Variants in LHFPL3 observed in about 807,000 individuals in gnomAD.
LHFPL3 encodes the protein LHFPL tetraspan subfamily member 3 protein.
A neutral mutation model predicts 19.3 loss-of-function variants in LHFPL3; 5 were observed. The ratio of observed to expected loss-of-function variants is 0.26; its 90% CI spans 0.14 to 0.54. The LOEUF (loss-of-function observed/expected upper bound fraction) is 0.54, where lower values mean the gene tolerates loss of function less well. Among genes scored for constraint, LHFPL3 ranks in the 20% least tolerant of loss-of-function variants. The pLI is 0.94. For synonymous variants in LHFPL3, 133 were observed against 126.2 expected (o/e 1.05, Z -0.36); for missense variants, 249 against 307.4 (o/e 0.81, Z 1.42).
chr7:104,579,030 C>G (rs981843525), intron 1 of LHFPL3, among the ~76,000 whole-genome samples: 1 of 152,166 alleles, frequency 6.6e-6, no homozygotes, highest in African/African-American at 2.4e-5. Context: ...CCTAATGGAT[C>G]TTAGCTTATG....
At chr7:104,733,624 A>G (rs1793745889) in intron 1 of LHFPL3, among the ~76,000 whole-genome samples, 1 of 152,070 alleles carries the variant, frequency 6.6e-6, no homozygotes, top group South Asian at 2.1e-4. Flanking sequence ...GTCTCTGCAC[A>G]TGAGATGGGT....
intron 1 of LHFPL3, among the ~76,000 whole-genome samples, chr7:104,506,821 A>G (rs991416327): frequency 1.3e-5 from 2 of 152,208 alleles, no homozygotes; most frequent in Non-Finnish European, 2.9e-5. Flanking sequence ...AGAAAAGGGT[A>G]TGGGAGTAAC....
chr7:104,819,955 C>T lies in LHFPL3; in HGVS notation c.682+83044C>T, dbSNP rs565107843. On this transcript the variant is annotated intron_variant, in intron 2 of 2. Transcript: ENST00000424859. Reference sequence around the variant, plus strand: ...AATACGATCAAAGCAATATACAAAACGAGCCGATTGTGATCTCTTTTTTAA... The same window carrying T: ...AATACGATCAAAGCAATATACAAAATGAGCCGATTGTGATCTCTTTTTTAA... Among the ~76,000 whole-genome samples the T allele has an allele frequency of 1.6e-4, 25 of 152,262 alleles. 1 individual carries two copies. The highest frequency in any genetic ancestry group is 7.2e-4 in the Admixed American group (11 of 15,292).
chr7:104,540,291 G>A (rs1026090597), intron 1 of LHFPL3, among the ~76,000 whole-genome samples: 12 of 152,246 alleles, frequency 7.9e-5, no homozygotes, highest in Non-Finnish European at 1.3e-4. Flanking sequence ...TGAAAGTATG[G>A]TTGGTAGGGG....
chr7:104,820,298 C>T (rs1790652354), intron 2 of LHFPL3, among the ~76,000 whole-genome samples: 1 of 152,132 alleles, frequency 6.6e-6, no homozygotes, highest in African/African-American at 2.4e-5. Context: ...TACCATGGCT[C>T]CAGATTAAAG....
At chr7:104,668,800 G>A in intron 1 of LHFPL3, 1 of 1,609,408 alleles carries the variant, frequency 6.2e-7, no homozygotes, top group Non-Finnish European at 8.5e-7. Flanking sequence ...GTAACTCCCA[G>A]TCCACTCGAG....
intron 1 of LHFPL3, among the ~76,000 whole-genome samples, chr7:104,357,498 G>A (rs1790303614): frequency 6.6e-6 from 1 of 152,162 alleles, no homozygotes; most frequent in East Asian, 1.9e-4. Flanking sequence ...CTTTCGGGTA[G>A]CCAACTTCAG....
intron 2 of LHFPL3, among the ~76,000 whole-genome samples, chr7:104,772,572 C>T (rs1794572140): frequency 6.6e-6 from 1 of 152,214 alleles, no homozygotes; most frequent in Non-Finnish European, 1.5e-5. Flanking sequence ...CAGTCCTCAC[C>T]AGGAAAGGGC....
intron 2 of LHFPL3, among the ~76,000 whole-genome samples, chr7:104,745,187 G>A (rs931903265): frequency 2.6e-5 from 4 of 152,252 alleles, no homozygotes; most frequent in East Asian, 1.9e-4. Context: ...CAAATTGTCC[G>A]CAGGAGTCGG....
At chr7:104,342,223 C>G (rs1432560001) in intron 1 of LHFPL3, among the ~76,000 whole-genome samples, 1 of 151,642 alleles carries the variant, frequency 6.6e-6, no homozygotes, top group Non-Finnish European at 1.5e-5. Flanking sequence ...CTCTAAGGTT[C>G]TAAACAGCCC....
chr7:104,661,097 C>T (rs1792216680), intron 1 of LHFPL3, among the ~76,000 whole-genome samples: 1 of 152,160 alleles, frequency 6.6e-6, no homozygotes, highest in Non-Finnish European at 1.5e-5. Context: ...ATCAGGAAGG[C>T]TTAGGGATGC....
chr7:104,472,351 G>T (rs1303306003), intron 1 of LHFPL3, among the ~76,000 whole-genome samples: 5 of 152,050 alleles, frequency 3.3e-5, no homozygotes, highest in African/African-American at 7.2e-5. Flanking sequence ...CCATCAAATG[G>T]ATAACACGAA....
chr7:104,508,431 G>A (rs1793743204), intron 1 of LHFPL3, among the ~76,000 whole-genome samples: 2 of 141,118 alleles, frequency 1.4e-5, no homozygotes, highest in African/African-American at 5.4e-5. Context: ...GACACAGGAA[G>A]GGGAATATCA....
rs1394785639 is a variant in LHFPL3 at position 104,906,218 on chromosome 7, A to G, written c.*3A>G. On this transcript the variant is annotated 3_prime_UTR_variant, in exon 3 of 3. Transcript: ENST00000424859. ...TAAGCCAATATTCTCTAGAATGAGCACAAAACAAATCGAATAACAGCTAAA... is the reference window on the plus strand; with the variant it reads ...TAAGCCAATATTCTCTAGAATGAGCGCAAAACAAATCGAATAACAGCTAAA... The G allele has an allele frequency of 1.1e-5, 17 of 1,608,574 alleles. No individual in the cohort carries two copies. Among genetic ancestry groups the G allele is most frequent in the Non-Finnish European group, 1.4e-5 (17 of 1,177,358 alleles).
chr7:104,879,305 C>A (rs1169603858), intron 2 of LHFPL3, among the ~76,000 whole-genome samples: 1 of 151,974 alleles, frequency 6.6e-6, no homozygotes, highest in Admixed American at 6.6e-5. Flanking sequence ...AGTACCAGCT[C>A]CTTGGGAGGC....
chr7:104,903,527 T>C (rs945568240), intron 2 of LHFPL3, among the ~76,000 whole-genome samples: 6 of 150,678 alleles, frequency 4.0e-5, no homozygotes, highest in Non-Finnish European at 7.4e-5. Context: ...TGCAGTGGTG[T>C]GATCTCAGCT....
At chr7:104,605,497 G>T (rs1312624067) in intron 1 of LHFPL3, among the ~76,000 whole-genome samples, 1 of 152,106 alleles carries the variant, frequency 6.6e-6, no homozygotes, top group Admixed American at 6.6e-5. Context: ...TATACATTAG[G>T]AATGTTGGTC....
At chr7:104,446,696 C>A (rs1171458142) in intron 1 of LHFPL3, among the ~76,000 whole-genome samples, 1 of 152,122 alleles carries the variant, frequency 6.6e-6, no homozygotes, top group African/African-American at 2.4e-5. Flanking sequence ...TTGCCTCAGC[C>A]TCCTGAGTAG....
At chr7:104,711,710 C>T (rs553742008) in intron 1 of LHFPL3, among the ~76,000 whole-genome samples, 1 of 152,162 alleles carries the variant, frequency 6.6e-6, no homozygotes, top group Non-Finnish European at 1.5e-5. Context: ...TTGGTCCCAA[C>T]AGGAAACCAT....
Sources: allele counts gnomAD v4.1 joint callset (sites outside exome capture counted in the v4.1 genomes callset), GRCh38; gene constraint gnomAD v4.1.1; transcripts MANE v1.5; gene names NCBI Gene and HGNC (gene_info 2026-07-23, HGNC 2026-07-21).